The following MB21D2 variants were observed in gnomAD, a reference collection of about 807,000 sequenced individuals.
MB21D2 encodes Mab-21 domain containing 2, also known as nucleotidyltransferase MB21D2.
A neutral mutation model predicts 33.3 loss-of-function variants in MB21D2; 9 were observed. The ratio of observed to expected loss-of-function variants is 0.27; its 90% CI spans 0.16 to 0.47. The LOEUF (loss-of-function observed/expected upper bound fraction) is 0.47. Among genes scored for constraint, MB21D2 ranks in the 20% least tolerant of loss-of-function variants. The probability of loss-of-function intolerance (pLI) is 0.99; values close to 1 mark genes in which losing one functional copy is unlikely to be tolerated. For synonymous variants in MB21D2, 241 were observed against 236.3 expected (o/e 1.02, Z -0.18); for missense variants, 540 against 624.6 (o/e 0.86, Z 1.44).
At chr3:192,875,801 G>C (rs1713415962) in intron 1 of MB21D2, among the ~76,000 whole-genome samples, 1 of 152,258 alleles carries the variant, frequency 6.6e-6, no homozygotes, top group Middle Eastern at 3.4e-3. Context: ...AGGGCAGGTG[G>C]AATCAAATGA....
At chr3:192,883,720 T>A (rs181911663) in intron 1 of MB21D2, among the ~76,000 whole-genome samples, 5 of 152,186 alleles carry the variant, frequency 3.3e-5, no homozygotes, top group African/African-American at 1.2e-4. Flanking sequence ...GGAATGCCTC[T>A]GTAATACTAG....
At position 192,799,234 on chromosome 3, in the gene MB21D2, C is replaced by T. The variant is rs549250583; in HGVS notation, c.628G>A (p.Val210Ile). The T allele has an allele frequency of 1.2e-6, 2 of 1,614,236 alleles. No individual in the cohort carries two copies. The highest frequency in any genetic ancestry group is 1.3e-5 in the African/African-American group (1 of 75,064). Residue 210 changes from valine to isoleucine, a missense_variant, in exon 2 of 2, where the codon GTA (valine) becomes ATA (isoleucine). Coordinates refer to ENST00000392452, the MANE Select transcript of MB21D2 (RefSeq NM_178496.4). This position sits in a 1 kb window ranked among gnomAD's most constrained non-coding sequence, Gnocchi z 4.1. ...GTCCCATTTTTTTCCACCTTTTCTA[C>T]CTTTGGCATCCCTCGCTGGGGTTTC... is the stretch of plus-strand genomic sequence containing the variant. The part of the protein sequence containing the change: ...QKKPQRGMPK[V>I]EKVEKNGTII...
At chr3:192,862,333 T>C (rs889263601) in intron 1 of MB21D2, among the ~76,000 whole-genome samples, 1 of 152,184 alleles carries the variant, frequency 6.6e-6, no homozygotes, top group South Asian at 2.1e-4. Flanking sequence ...GCTCCCTCTC[T>C]CCTCTGAAAC....
chr3:192,855,683 C>T (rs1712901081), intron 1 of MB21D2, among the ~76,000 whole-genome samples: 1 of 152,192 alleles, frequency 6.6e-6, no homozygotes, highest in East Asian at 1.9e-4. Flanking sequence ...ACTCTAGAAC[C>T]CATTCTCTTG....
At chr3:192,827,383 T>G (rs1712199622) in intron 1 of MB21D2, among the ~76,000 whole-genome samples, 2 of 152,108 alleles carry the variant, frequency 1.3e-5, no homozygotes, top group African/African-American at 4.8e-5. Context: ...ACTGGCAGAT[T>G]GTGTTCCCTG....
intron 1 of MB21D2, among the ~76,000 whole-genome samples, chr3:192,880,788 G>A (rs1435000480): frequency 2.6e-5 from 4 of 152,078 alleles, no homozygotes; most frequent in Non-Finnish European, 5.9e-5. Flanking sequence ...GATTTACAGT[G>A]AAGTTTAAGA....
chr3:192,911,818 A>T (rs1714363887), intron 1 of MB21D2, among the ~76,000 whole-genome samples: 1 of 152,156 alleles, frequency 6.6e-6, no homozygotes, highest in Non-Finnish European at 1.5e-5. Flanking sequence ...GTTTGGAGAG[A>T]TCCCCTGCCC....
intron 1 of MB21D2, among the ~76,000 whole-genome samples, chr3:192,849,654 T>TATC (rs1391759313): frequency 5.3e-5 from 8 of 152,216 alleles, no homozygotes; most frequent in Non-Finnish European, 1.0e-4. Flanking sequence ...AACCACTTTA[T>TATC]ATCCCTTTTT....
At chr3:192,893,244 G>GTCTT in intron 1 of MB21D2, among the ~76,000 whole-genome samples, 1 of 152,186 alleles carries the variant, frequency 6.6e-6, no homozygotes, top group Admixed American at 6.5e-5. Context: ...GTGACATGAC[G>GTCTT]TCTTTACTTC....
intron 1 of MB21D2, among the ~76,000 whole-genome samples, chr3:192,894,751 C>T (rs1342176205): frequency 1.3e-5 from 2 of 152,240 alleles, no homozygotes; most frequent in African/African-American, 2.4e-5. Flanking sequence ...TGCTGCTTCC[C>T]ACCCCATTCT....
intron 1 of MB21D2, among the ~76,000 whole-genome samples, chr3:192,842,813 T>C (rs1005403780): frequency 2.0e-5 from 3 of 152,176 alleles, no homozygotes; most frequent in African/African-American, 7.2e-5. Context: ...CACGGTCCAA[T>C]TACTCCAAGG....
At chr3:192,889,053 C>G (rs1300936128) in intron 1 of MB21D2, among the ~76,000 whole-genome samples, 1 of 152,052 alleles carries the variant, frequency 6.6e-6, no homozygotes, top group East Asian at 1.9e-4. Flanking sequence ...TGGAAAGAAC[C>G]CACCCAAGTC....
chr3:192,887,420 A>G (rs888835885), intron 1 of MB21D2, among the ~76,000 whole-genome samples: 3 of 152,156 alleles, frequency 2.0e-5, no homozygotes, highest in Non-Finnish European at 4.4e-5. Context: ...TTGATTGCAC[A>G]AAAATGTGAA....
chr3:192,866,439 C>CA (rs1417805136), intron 1 of MB21D2, among the ~76,000 whole-genome samples: 1 of 152,138 alleles, frequency 6.6e-6, no homozygotes, highest in Non-Finnish European at 1.5e-5. Context: ...GCAAGGAAAT[C>CA]AAAGAATGTT....
intron 1 of MB21D2, among the ~76,000 whole-genome samples, chr3:192,905,635 C>CAAAA (rs142676577): frequency 1.1e-4 from 9 of 84,954 alleles, no homozygotes; most frequent in Admixed American, 1.5e-4. Flanking sequence ...CGCCCTGTCT[C>CAAAA]AAAAAAAAAA....
At position 192,914,412 on chromosome 3, in the gene MB21D2, C is replaced by A. The variant is rs114730672; in HGVS notation, c.211+3218G>T. On this transcript the variant is annotated intron_variant, in intron 1 of 1. Coordinates refer to ENST00000392452, the MANE Select transcript of MB21D2 (RefSeq NM_178496.4). Reference sequence around the variant, plus strand: ...TGCCTTCTCCAGCATCTGCATACCCCCTTTTCTGCATCTGTTCAATGGGGA... The same window carrying A: ...TGCCTTCTCCAGCATCTGCATACCCACTTTTCTGCATCTGTTCAATGGGGA... Among the ~76,000 whole-genome samples the A allele has an allele frequency of 3.9e-3, 599 of 152,284 alleles. 7 individuals are homozygous for A. The highest frequency in any genetic ancestry group is 0.014 in the African/African-American group (580 of 41,554).
At chr3:192,897,961 T>TA (rs35144681) in intron 1 of MB21D2, among the ~76,000 whole-genome samples, 14 of 150,196 alleles carry the variant, frequency 9.3e-5, no homozygotes, top group Admixed American at 2.0e-4. Context: ...CCTGTCTCAA[T>TA]AAAAAAAAAA....
intron 1 of MB21D2, among the ~76,000 whole-genome samples, chr3:192,804,973 G>A (rs1044264635): frequency 5.3e-5 from 8 of 152,164 alleles, no homozygotes; most frequent in African/African-American, 1.9e-4. Flanking sequence ...CCTCGTTCAT[G>A]CCCAGAAATC....
At chr3:192,849,316 T>TGGGGG (rs66792694) in intron 1 of MB21D2, among the ~76,000 whole-genome samples, 4 of 92,148 alleles carry the variant, frequency 4.3e-5, no homozygotes, top group Admixed American at 1.3e-4. Context: ...TCTCTTTTTT[T>TGGGGG]GGGGGGGGGG....
Sources: gnomAD v4.1 joint callset for allele counts (sites outside exome capture counted in the v4.1 genomes callset) on GRCh38, gnomAD v4.1.1 for gene constraint, Gnocchi (gnomAD v3.1) non-coding constraint, MANE v1.5 for transcripts, NCBI Gene and HGNC (gene_info 2026-07-23, HGNC 2026-07-21) for gene names.